The following IPO11 variants were observed in gnomAD, a reference collection of about 807,000 sequenced individuals.
The protein encoded by IPO11 is importin-11.
IPO11 carries 66 observed loss-of-function variants against 143.2 expected under a neutral mutation model. The ratio of observed to expected loss-of-function variants is 0.46; its 90% CI spans 0.38 to 0.57. The LOEUF (loss-of-function observed/expected upper bound fraction) is 0.57, where lower values mean the gene tolerates loss of function less well. IPO11 is among the 20% of genes least tolerant of loss of function. The pLI is 0.00. For synonymous variants in IPO11, 385 were observed against 377.8 expected (o/e 1.02, Z -0.22); for missense variants, 1,026 against 1,141.0 (o/e 0.90, Z 1.45).
chr5:62,542,462 T>G (rs1052146992), intron 24 of IPO11, among the ~76,000 whole-genome samples: 5 of 152,182 alleles, frequency 3.3e-5, no homozygotes, highest in African/African-American at 1.2e-4. Flanking sequence ...GCAATAACAA[T>G]AGTTTTTAAT....
chr5:62,500,949 A>C (rs980610148), intron 16 of IPO11, among the ~76,000 whole-genome samples: 1 of 152,078 alleles, frequency 6.6e-6, no homozygotes, highest in Non-Finnish European at 1.5e-5. Context: ...TTATGAGACT[A>C]CGTTTGTAAA....
intron 29 of IPO11, among the ~76,000 whole-genome samples, chr5:62,611,370 GC>G (rs1283838854): frequency 6.6e-6 from 1 of 152,148 alleles, no homozygotes; most frequent in African/African-American, 2.4e-5. Flanking sequence ...CTGTGATAGA[GC>G]TAAAATGTTA....
At chr5:62,418,081 C>T (rs768013607) in intron 1 of IPO11, among the ~76,000 whole-genome samples, 1 of 152,148 alleles carries the variant, frequency 6.6e-6, no homozygotes, top group Non-Finnish European at 1.5e-5. Flanking sequence ...ACCTCTGCCT[C>T]CCAAGTTCGA....
intron 29 of IPO11, among the ~76,000 whole-genome samples, chr5:62,615,544 G>A (rs1746098901): frequency 6.6e-6 from 1 of 152,190 alleles, no homozygotes; most frequent in Non-Finnish European, 1.5e-5. Flanking sequence ...GGATGTGCAT[G>A]TCCTAATCCC....
At chr5:62,427,208 G>C (rs1258343007) in intron 1 of IPO11, among the ~76,000 whole-genome samples, 2 of 151,810 alleles carry the variant, frequency 1.3e-5, no homozygotes, top group African/African-American at 4.8e-5. Flanking sequence ...CCAAAGTGCT[G>C]GGATTACACA....
chr5:62,575,795 G>T (rs1392346888), intron 27 of IPO11, among the ~76,000 whole-genome samples: 1 of 152,038 alleles, frequency 6.6e-6, no homozygotes, highest in African/African-American at 2.4e-5. Flanking sequence ...TTACTATGTT[G>T]TTATTTTTTT....
At chr5:62,531,184 T>C (rs1742530513) in intron 22 of IPO11, among the ~76,000 whole-genome samples, 1 of 152,156 alleles carries the variant, frequency 6.6e-6, no homozygotes, top group South Asian at 2.1e-4. Context: ...GTTGTTTGTT[T>C]TGTTTTGTTT....
At chr5:62,530,836 G>T (rs32179) in intron 22 of IPO11, 51 bp downstream of exon 22, 1,053,179 of 1,387,896 alleles carry the variant, frequency 0.76, 402,069 homozygotes, top group African/African-American at 0.95. Context: ...AACCATAATT[G>T]GGAGGCATTG....
Position 62,627,158 on chromosome 5 carries a change from C to T in IPO11, c.2768C>T (p.Ala923Val). 11 of 1,612,614 alleles carry T rather than the reference C, an allele frequency of 6.8e-6. No individual in the cohort carries two copies. The highest frequency in any genetic ancestry group is 9.3e-6 in the Non-Finnish European group (11 of 1,179,098). The stretch of plus-strand genomic sequence containing the variant: ...GCTCCTCTCTGTATCCCACAGCTGG[C>T]CCTGAAGGACCCTGTTCATACAGTG... ...TEQDKRKKML[A>V]LKDPVHTVSL... The change falls in exon 30 of 30, where the codon GCC (alanine) becomes GTC (valine). Residue 923 changes from alanine (A) to valine (V), a missense_variant. Transcript: ENST00000325324.
chr5:62,425,321 T>C (rs2060219689), intron 1 of IPO11, among the ~76,000 whole-genome samples: 1 of 152,188 alleles, frequency 6.6e-6, no homozygotes, highest in South Asian at 2.1e-4. Context: ...CAATTTATTT[T>C]ATTTTATTTT....
intron 5 of IPO11, among the ~76,000 whole-genome samples, chr5:62,455,122 G>C (rs1308985162): frequency 1.3e-5 from 2 of 152,162 alleles, no homozygotes; most frequent in Non-Finnish European, 2.9e-5. Context: ...CAATTTTGCT[G>C]GTTAATACAG....
Position 62,451,780 on chromosome 5 carries a change from T to C in IPO11, c.363T>C (p.Cys121=), listed in dbSNP as rs780496993. ...VLIAKVARLD[C]PRQWPELIPT... ...TTGCAAAAGTTGCTAGATTGGATTG[T>C]CCCAGACAGTGGCCTGAACTAATTC... Residue 121 remains cysteine (C), a synonymous_variant, in exon 5 of 30, where the codon TGT becomes TGC. Coordinates refer to ENST00000325324, the MANE Select transcript of IPO11 (RefSeq NM_016338.5). 1.2e-6 allele frequency: 2 copies of C among 1,614,180 alleles called. No individual in the cohort carries two copies. Among genetic ancestry groups the C allele is most frequent in the Admixed American group, 3.3e-5 (2 of 60,014 alleles).
chr5:62,601,883 C>A (rs2112449453), intron 29 of IPO11, 35 bp downstream of exon 29: 1 of 1,305,286 alleles, frequency 7.7e-7, no homozygotes, highest in Non-Finnish European at 1.1e-6. Context: ...AAATTAAGAA[C>A]CATATATTAT....
At chr5:62,561,084 A>G (rs2112366150) in intron 26 of IPO11, 52 bp from the exon 27 acceptor site, 2 of 1,509,166 alleles carry the variant, frequency 1.3e-6, no homozygotes, top group South Asian at 2.5e-5. Flanking sequence ...GTATTTACCC[A>G]CAAGTAAAAC....
intron 27 of IPO11, among the ~76,000 whole-genome samples, chr5:62,587,554 A>G: frequency 6.6e-6 from 1 of 152,026 alleles, no homozygotes; most frequent in East Asian, 1.9e-4. Flanking sequence ...GTATTTTCCC[A>G]GTTTTCTAAT....
chr5:62,484,792 G>A (rs183268699), intron 11 of IPO11, among the ~76,000 whole-genome samples: 52 of 151,686 alleles, frequency 3.4e-4, no homozygotes, highest in African/African-American at 1.3e-3. Flanking sequence ...TATTTTAAGA[G>A]TGCCCAAAAG....
At chr5:62,455,528 GA>G (rs925973336) in intron 5 of IPO11, among the ~76,000 whole-genome samples, 1 of 151,980 alleles carries the variant, frequency 6.6e-6, no homozygotes, top group Admixed American at 6.6e-5. Flanking sequence ...CTCAAAAGAA[GA>G]AAAAAATATT....
chr5:62,579,748 T>G, intron 27 of IPO11: 2 of 1,546,910 alleles, frequency 1.3e-6, no homozygotes, highest in Non-Finnish European at 1.7e-6. Flanking sequence ...TCCAAAAGCC[T>G]TTGTTCAATT....
intron 2 of IPO11, among the ~76,000 whole-genome samples, chr5:62,437,911 A>AT (rs1744300121): frequency 6.6e-6 from 1 of 152,218 alleles, no homozygotes. Flanking sequence ...AATTAACAAT[A>AT]TGTGCTTTAA....
Sources: allele counts gnomAD v4.1 joint callset (sites outside exome capture counted in the v4.1 genomes callset), GRCh38; gene constraint gnomAD v4.1.1; transcripts MANE v1.5; gene names NCBI Gene and HGNC (gene_info 2026-07-23, HGNC 2026-07-21).